Variants in ANKDD1A observed in about 807,000 individuals in gnomAD.
ANKDD1A encodes the protein ankyrin repeat and death domain containing 1A, also known as ankyrin repeat and death domain-containing protein 1A.
In ANKDD1A, 59 loss-of-function variants were observed where a neutral mutation model predicts 63.5. That is an observed-to-expected ratio of 0.93 (90% confidence interval 0.75 to 1.15). The LOEUF (loss-of-function observed/expected upper bound fraction) is 1.15, where lower values mean the gene tolerates loss of function less well. Ranked by LOEUF, ANKDD1A falls within the 50% of genes most tolerant of loss-of-function variation. The pLI is 0.00. For missense variants in ANKDD1A, 632 were observed against 656.4 expected, an observed-to-expected ratio of 0.96 and a Z score of 0.41; for synonymous variants, 266 against 263.9, an observed-to-expected ratio of 1.01 and a Z score of -0.08.
chr15:64,925,956 A>G, intron 4 of ANKDD1A, 110 bp from the exon 5 acceptor site: 1 of 908,776 alleles, frequency 1.1e-6, no homozygotes. Context: ...TGTTGTATCC[A>G]TGGGGAGGCT....
At chr15:64,951,473 T>TCC (rs1161315731) in intron 14 of ANKDD1A, 244 of 9,920 alleles carry the variant, frequency 0.025, 4 homozygotes, top group Admixed American at 0.081. Context: ...TCTTTTTTCT[T>TCC]TTCTTCTTCC....
intron 3 of ANKDD1A, among the ~76,000 whole-genome samples, chr15:64,921,034 G>A (rs1365468405): frequency 4.0e-5 from 6 of 151,794 alleles, no homozygotes; most frequent in Admixed American, 2.6e-4. Flanking sequence ...GCAGTGGTGC[G>A]ATCACAGCTC....
rs1486331129 is a variant in ANKDD1A, at chr15:64,947,550, G to T, written c.1308G>T (p.Glu436Asp). The T allele has an allele frequency of 6.2e-7, 1 of 1,614,050 alleles. No homozygotes were observed. ...REWKKLAYSWEFTEAHVDAIE... is the reference protein window; with the variant it reads ...REWKKLAYSWDFTEAHVDAIE... ...GGAAGAAGCTGGCATATTCCTGGGA[G>T]TTCACGGAGGCACATGTCGACGCCA... The change falls in exon 13 of 15, where the codon GAG (glutamate) becomes GAT (aspartate). Residue 436 changes from glutamate to aspartate, a missense_variant. By Grantham distance (45) the Glu-to-Asp change is conservative. Transcript: ENST00000319580.
chr15:64,951,270 TTTC>T (rs977528812), intron 14 of ANKDD1A: 3 of 782,618 alleles, frequency 3.8e-6, no homozygotes, highest in South Asian at 5.9e-5. Context: ...ACTTTGTTTA[TTTC>T]TTCTTCTTTT....
intron 14 of ANKDD1A, 44 bp downstream of exon 14, chr15:64,950,016 C>G (rs759329251): frequency 6.3e-5 from 101 of 1,595,376 alleles, no homozygotes; most frequent in Non-Finnish European, 8.4e-5. Flanking sequence ...AGCTGGGTGG[C>G]CCCCACTGGA....
intron 1 of ANKDD1A, 147 bp from the exon 2 acceptor site, chr15:64,915,650 G>T (rs983475845): frequency 3.1e-5 from 19 of 619,080 alleles, no homozygotes; most frequent in Non-Finnish European, 4.6e-5. Flanking sequence ...CCTTGAGAGG[G>T]AGGAGGGCTG....
intron 14 of ANKDD1A, among the ~76,000 whole-genome samples, chr15:64,953,854 C>CTCTTTCTTCTTCGTTCTTCTT (rs1491210404): frequency 1.1e-5 from 1 of 89,494 alleles, no homozygotes; most frequent in Non-Finnish European, 2.3e-5. Context: ...TTCTTCTTTC[C>CTCTTTCTTCTTCGTTCTTCTT]TCTTCTTCCT....
At chr15:64,953,113 C>T (rs180786397) in intron 14 of ANKDD1A, among the ~76,000 whole-genome samples, 79 of 139,022 alleles carry the variant, frequency 5.7e-4, no homozygotes, top group African/African-American at 1.9e-3. Flanking sequence ...TTCTTTCTTC[C>T]GCTTTCTACT....
intron 6 of ANKDD1A, among the ~76,000 whole-genome samples, chr15:64,930,067 G>T (rs1192849652): frequency 1.3e-5 from 2 of 152,034 alleles, no homozygotes; most frequent in African/African-American, 4.8e-5. Context: ...GACACAGGGA[G>T]GGGGACAACA....
At chr15:64,934,907 C>A (rs2140374270) in intron 9 of ANKDD1A, among the ~76,000 whole-genome samples, 1 of 152,082 alleles carries the variant, frequency 6.6e-6, no homozygotes, top group Admixed American at 6.5e-5. Context: ...GGTCCACACA[C>A]AGGAACTGTA....
intron 13 of ANKDD1A, among the ~76,000 whole-genome samples, chr15:64,948,123 C>CT (rs1194343900): frequency 6.6e-6 from 1 of 152,100 alleles, no homozygotes; most frequent in Non-Finnish European, 1.5e-5. Context: ...CACAGAACTC[C>CT]TATGAACCAT....
chr15:64,945,071 T>G (rs747521687), intron 12 of ANKDD1A, among the ~76,000 whole-genome samples: 1 of 152,204 alleles, frequency 6.6e-6, no homozygotes, highest in Non-Finnish European at 1.5e-5. Flanking sequence ...GGTTCCATCT[T>G]ATGCCATCTC....
chr15:64,934,490 TTTTTC>T (rs1348142469), intron 9 of ANKDD1A, among the ~76,000 whole-genome samples: 1 of 151,236 alleles, frequency 6.6e-6, no homozygotes, highest in African/African-American at 2.4e-5. Flanking sequence ...GGGGCTTTTT[TTTTTC>T]TTTTCTTTTT....
chr15:64,919,214 T>A (rs529076793), intron 3 of ANKDD1A, among the ~76,000 whole-genome samples: 1 of 152,196 alleles, frequency 6.6e-6, no homozygotes, highest in East Asian at 1.9e-4. Context: ...CAGGAGGCTC[T>A]GGCTCCCATG....
Position 64,915,826 on chromosome 15 carries a change from G to A in ANKDD1A, c.64G>A (p.Ala22Thr), listed in dbSNP as rs749938881. 1.2e-6 allele frequency: 2 copies of A among 1,613,928 alleles called. No homozygotes were observed. Among genetic ancestry groups the A allele is most frequent in the African/African-American group, 1.3e-5 (1 of 74,916 alleles). Residue 22 changes from alanine to threonine, a missense_variant, in exon 2 of 15, where the codon GCC becomes ACC. By Grantham distance (58) the Ala-to-Thr change is moderately conservative. Coordinates refer to ENST00000319580, the MANE Select transcript of ANKDD1A (RefSeq NM_182703.6). The part of the protein sequence containing the change: ...LLPLERQLHE[A>T]ARQNNVGRMQ... ...TCCTCTGGAGAGGCAGCTCCACGAG[G>A]CCGCCCGCCAGAACAATGTCGGCAG...
At chr15:64,951,944 TC>T (rs568047298) in intron 14 of ANKDD1A, among the ~76,000 whole-genome samples, 2,905 of 149,482 alleles carry the variant, frequency 0.019, 47 homozygotes, top group Admixed American at 0.028. Context: ...TTTCTTTTCT[TC>T]TTCTTCTTTC....
chr15:64,950,757 G>GCTA (rs2085264136), intron 14 of ANKDD1A: 1 of 908,236 alleles, frequency 1.1e-6, no homozygotes, highest in Non-Finnish European at 1.3e-6. Flanking sequence ...CCCCATAGCT[G>GCTA]CTATAGGCAA....
chr15:64,951,657 ATCTT>A (rs1207335864), intron 14 of ANKDD1A, among the ~76,000 whole-genome samples: 3 of 28,504 alleles, frequency 1.1e-4, no homozygotes, highest in African/African-American at 2.6e-4. Flanking sequence ...CTTTCCTTCT[ATCTT>A]CTTTTTCTTT....
intron 8 of ANKDD1A, 64 bp downstream of exon 8, chr15:64,931,649 T>G: frequency 1.3e-6 from 2 of 1,544,194 alleles, no homozygotes; most frequent in Non-Finnish European, 1.8e-6. Context: ...ATGTCGGCAG[T>G]AACGGCCACA....
Sources: allele counts gnomAD v4.1 joint callset (sites outside exome capture counted in the v4.1 genomes callset), GRCh38; gene constraint gnomAD v4.1.1; transcripts MANE v1.5; gene names NCBI Gene and HGNC (gene_info 2026-07-23, HGNC 2026-07-21).